Variants in APLF observed in about 807,000 individuals in gnomAD.
The protein encoded by APLF is aprataxin and PNKP like factor, also known as aprataxin and PNK-like factor.
Under a neutral mutation model 55.6 loss-of-function variants are expected in APLF, and 61 were observed. The ratio of observed to expected loss-of-function variants is 1.10; its 90% CI spans 0.89 to 1.36. APLF has a LOEUF of 1.36. APLF is among the 40% of genes most tolerant of loss of function. The probability of loss-of-function intolerance (pLI) is 0.00; values close to 1 mark genes in which losing one functional copy is unlikely to be tolerated. For missense variants in APLF, 611 were observed against 602.5 expected (o/e 1.01, Z -0.15); for synonymous variants, 207 against 214.8 (o/e 0.96, Z 0.32).
intron 6 of APLF, chr2:68,535,238 C>T: frequency 2.6e-6 from 1 of 379,994 alleles, no homozygotes; most frequent in Non-Finnish European, 5.3e-6. Flanking sequence ...TGTTATATTT[C>T]ATTTTCATTG....
chr2:68,490,863 G>C (rs1676337882), intron 2 of APLF, among the ~76,000 whole-genome samples: 1 of 152,142 alleles, frequency 6.6e-6, no homozygotes, highest in African/African-American at 2.4e-5. Context: ...TTGTGTAAGA[G>C]AATGAAATAC....
chr2:68,488,553 C>A (rs1245706702), intron 1 of APLF, among the ~76,000 whole-genome samples: 5 of 151,850 alleles, frequency 3.3e-5, no homozygotes, highest in African/African-American at 1.2e-4. Context: ...CCAGGCTAGT[C>A]TTGAATTCCT....
chr2:68,487,675 T>G (rs992586478), intron 1 of APLF, among the ~76,000 whole-genome samples: 1 of 152,140 alleles, frequency 6.6e-6, no homozygotes, highest in Admixed American at 6.5e-5. Context: ...CATCAGATCT[T>G]TAGGATAATC....
At chr2:68,484,115 A>C (rs1676054331) in intron 1 of APLF, among the ~76,000 whole-genome samples, 1 of 152,148 alleles carries the variant, frequency 6.6e-6, no homozygotes, top group Non-Finnish European at 1.5e-5. Context: ...CTCATCACAT[A>C]AGAAAATCTC....
chr2:68,483,999 C>T (rs771635650), intron 1 of APLF, among the ~76,000 whole-genome samples: 1 of 152,094 alleles, frequency 6.6e-6, no homozygotes, highest in African/African-American at 2.4e-5. Flanking sequence ...AGTAGCTTTT[C>T]TGCTTTTACT....
At chr2:68,559,627 T>A (rs1198063854) in intron 8 of APLF, among the ~76,000 whole-genome samples, 1 of 152,128 alleles carries the variant, frequency 6.6e-6, no homozygotes, top group East Asian at 1.9e-4. Flanking sequence ...ATTCAGTCTA[T>A]CAGCAGTCCT....
At chr2:68,496,208 TCTC>T (rs1676541726) in intron 2 of APLF, among the ~76,000 whole-genome samples, 1 of 152,206 alleles carries the variant, frequency 6.6e-6, no homozygotes, top group African/African-American at 2.4e-5. Context: ...TTCAAGCAGT[TCTC>T]CTGCCTCAGC....
intron 2 of APLF, among the ~76,000 whole-genome samples, chr2:68,501,386 G>C (rs575357778): frequency 6.6e-6 from 1 of 151,802 alleles, no homozygotes; most frequent in East Asian, 1.9e-4. Context: ...TAGATAGAAG[G>C]AAGGGTAATA....
rs376504764 is a variant in APLF at position 68,468,070 on chromosome 2, G to C, written c.96+243G>C. On this transcript the variant is annotated intron_variant, in intron 1 of 9. Transcript: ENST00000303795. ...CTTATCCAGGGATTGGCAAACTAGT[G>C]CCTGGGGGCCAAATCCAGCCTATGT... 2.1e-3 allele frequency among the ~76,000 whole-genome samples: 326 copies of C among 152,320 alleles called. 2 individuals carry two copies. The highest frequency in any genetic ancestry group is 7.5e-3 in the African/African-American group (311 of 41,554).
At chr2:68,504,808 A>C (rs1308370379) in intron 3 of APLF, among the ~76,000 whole-genome samples, 2 of 152,062 alleles carry the variant, frequency 1.3e-5, no homozygotes, top group Non-Finnish European at 2.9e-5. Context: ...AAAAGTGTCT[A>C]TTATATGATT....
intron 9 of APLF, among the ~76,000 whole-genome samples, chr2:68,569,019 G>A (rs1037207239): frequency 5.3e-5 from 8 of 151,964 alleles, no homozygotes; most frequent in African/African-American, 1.9e-4. Context: ...GTATTTTTCT[G>A]ATTTAGAGAT....
chr2:68,515,307 A>ATT (rs1375835323), intron 5 of APLF, among the ~76,000 whole-genome samples: 1 of 151,242 alleles, frequency 6.6e-6, no homozygotes, highest in East Asian at 1.9e-4. Context: ...ATATATATAT[A>ATT]TATAGGCAAT....
In APLF at chr2:68,517,304, TATATA is replaced by T. The variant is rs1031568437; in HGVS notation, c.622+3630_622+3634del. 8.4e-3 allele frequency among the ~76,000 whole-genome samples: 1,022 copies of T among 121,900 alleles called. 13 individuals are homozygous for T. Among genetic ancestry groups the T allele is most frequent in the Non-Finnish European group, 0.012 (737 of 63,860 alleles). 80.0% of individuals were successfully genotyped at this position (121,900 alleles called of 152,430 possible). On this transcript the variant is annotated intron_variant, in intron 5 of 9. Coordinates refer to ENST00000303795, the MANE Select transcript of APLF (RefSeq NM_173545.3). Reference sequence around the variant, plus strand: ...ATAATATATTAATATATGTCATTACTATATAATATATTAATATATGTCATTACTAT... The same window carrying T: ...ATAATATATTAATATATGTCATTACTATATATTAATATATGTCATTACTAT...
chr2:68,475,202 A>G (rs1029650333), intron 1 of APLF, among the ~76,000 whole-genome samples: 1 of 152,140 alleles, frequency 6.6e-6, no homozygotes, highest in Non-Finnish European at 1.5e-5. Context: ...TTTACTTACT[A>G]TGTTGCCTCT....
intron 2 of APLF, among the ~76,000 whole-genome samples, chr2:68,496,003 C>T (rs890289322): frequency 3.9e-5 from 6 of 152,258 alleles, no homozygotes; most frequent in African/African-American, 1.4e-4. Flanking sequence ...TCTCTTAGGC[C>T]TCTGGGCCTG....
At chr2:68,477,199 T>C (rs191161067) in intron 1 of APLF, among the ~76,000 whole-genome samples, 1 of 152,370 alleles carries the variant, frequency 6.6e-6, no homozygotes, top group African/African-American at 2.4e-5. Context: ...ATACATACTG[T>C]ACTTCTGTAA....
intron 8 of APLF, chr2:68,562,947 A>G: frequency 4.7e-6 from 2 of 423,404 alleles, no homozygotes; most frequent in Non-Finnish European, 6.3e-6. Flanking sequence ...TTTCTTGTTA[A>G]AGTCCATCTA....
chr2:68,570,831 A>G (rs1671439772), intron 9 of APLF, among the ~76,000 whole-genome samples: 1 of 152,190 alleles, frequency 6.6e-6, no homozygotes, highest in Non-Finnish European at 1.5e-5. Context: ...TGGCTGGGTC[A>G]AATGGTATTT....
intron 6 of APLF, chr2:68,528,574 C>T: frequency 2.6e-6 from 4 of 1,534,024 alleles, no homozygotes; most frequent in East Asian, 2.4e-5. Flanking sequence ...GCTGCATGTC[C>T]TCCCCCACCG....
Sources: gnomAD v4.1 joint callset for allele counts (sites outside exome capture counted in the v4.1 genomes callset) on GRCh38, gnomAD v4.1.1 for gene constraint, MANE v1.5 for transcripts, NCBI Gene and HGNC (gene_info 2026-07-23, HGNC 2026-07-21) for gene names.